The following CRIM1 variants were observed in gnomAD, a reference collection of about 807,000 sequenced individuals.
CRIM1 encodes cysteine rich transmembrane BMP regulator 1.
A neutral mutation model predicts 116.4 loss-of-function variants in CRIM1; 32 were observed. The ratio of observed to expected loss-of-function variants is 0.27; its 90% CI spans 0.21 to 0.37. The LOEUF (loss-of-function observed/expected upper bound fraction) is 0.37, where lower values mean the gene tolerates loss of function less well. CRIM1 is among the 10% of genes least tolerant of loss of function. The probability of loss-of-function intolerance (pLI) is 1.00; values close to 1 mark genes in which losing one functional copy is unlikely to be tolerated. For missense variants in CRIM1, 1,331 were observed against 1,354.8 expected, an observed-to-expected ratio of 0.98 and a Z score of 0.28; for synonymous variants, 590 against 509.2, an observed-to-expected ratio of 1.16 and a Z score of -2.13.
chr2:36,536,262 CA>C (rs1666548058), intron 13 of CRIM1, among the ~76,000 whole-genome samples: 1 of 152,206 alleles, frequency 6.6e-6, no homozygotes, highest in Non-Finnish European at 1.5e-5. Context: ...TGTGTCTATT[CA>C]ATGAATTCTG....
chr2:36,434,405 G>A (rs1269962016), intron 2 of CRIM1, among the ~76,000 whole-genome samples: 1 of 152,228 alleles, frequency 6.6e-6, no homozygotes, highest in African/African-American at 2.4e-5. Flanking sequence ...ACGCCGAGTA[G>A]GAAAGTTGAA....
intron 14 of CRIM1, among the ~76,000 whole-genome samples, chr2:36,539,285 C>T (rs367835474): frequency 6.6e-6 from 1 of 152,158 alleles, no homozygotes; most frequent in Non-Finnish European, 1.5e-5. Flanking sequence ...GTATAGCCAG[C>T]GCCAAGGCCC....
chr2:36,531,937 G>A (rs1273880617), intron 13 of CRIM1: 2 of 470,914 alleles, frequency 4.2e-6, no homozygotes, highest in African/African-American at 2.0e-5. Flanking sequence ...AGGACCAGCT[G>A]CATCCAGCAA....
At chr2:36,417,533 T>G (rs1673712230) in intron 2 of CRIM1, among the ~76,000 whole-genome samples, 1 of 152,230 alleles carries the variant, frequency 6.6e-6, no homozygotes, top group South Asian at 2.1e-4. Flanking sequence ...ATCTATTTCA[T>G]TTCAGGGGTC....
intron 4 of CRIM1, among the ~76,000 whole-genome samples, chr2:36,448,125 C>G (rs187401455): frequency 2.2e-4 from 33 of 152,330 alleles, no homozygotes; most frequent in African/African-American, 7.5e-4. Flanking sequence ...TAGGTTTTCT[C>G]CCATCATACA....
chr2:36,363,528 C>T (rs1291959967), intron 1 of CRIM1, among the ~76,000 whole-genome samples: 4 of 94,776 alleles, frequency 4.2e-5, no homozygotes, highest in Non-Finnish European at 7.2e-5. Context: ...CAGTCGTCGC[C>T]GCCCCCCCCC....
intron 11 of CRIM1, 36 bp from the exon 12 acceptor site, chr2:36,517,291 A>G: frequency 1.3e-6 from 2 of 1,556,714 alleles, no homozygotes; most frequent in Non-Finnish European, 8.9e-7. Flanking sequence ...AAGATTGCAG[A>G]TGAATAATGT....
chr2:36,357,045 G>T (rs1388230499), intron 1 of CRIM1, among the ~76,000 whole-genome samples: 3 of 152,216 alleles, frequency 2.0e-5, no homozygotes, highest in African/African-American at 7.2e-5. Context: ...GTGTGGCACC[G>T]TGAGCCGCAC....
intron 1 of CRIM1, among the ~76,000 whole-genome samples, chr2:36,371,586 G>A (rs967705381): frequency 7.9e-5 from 12 of 152,128 alleles, no homozygotes; most frequent in African/African-American, 1.2e-4. Context: ...AGCTCAAACT[G>A]GTTAACTTTG....
rs779427992 is a variant in CRIM1 at position 36,537,537 on chromosome 2, A to G, written c.2614A>G (p.Met872Val). 4.3e-6 allele frequency: 7 copies of G among 1,610,176 alleles called. No homozygotes were observed. Among genetic ancestry groups the G allele is most frequent in the African/African-American group, 2.7e-5 (2 of 74,792 alleles). The part of the protein sequence containing the change: ...PINVEGSCCP[M>V]CPEMYVPEPT... The stretch of plus-strand genomic sequence containing the variant: ...CAACGTGGAAGGAAGTTGCTGCCCA[A>G]TGTGTCCAGGTATCTAAGCCACCAT... Residue 872 changes from methionine to valine, a missense_variant, in exon 14 of 17, where the codon ATG becomes GTG. Physicochemically the swap from Met to Val is conservative, Grantham distance 21. This residue lies in a region of CRIM1 where 283 missense variants were observed against 242.8 expected (regional missense o/e 1.17). Coordinates refer to ENST00000280527, the MANE Select transcript of CRIM1 (RefSeq NM_016441.3).
In CRIM1 at chr2:36,459,979, C is replaced by T. The variant is rs3770870; in HGVS notation, c.870-4555C>T. Among the ~76,000 whole-genome samples the T allele has an allele frequency of 1.3e-3, 205 of 152,250 alleles. 1 individual carries two copies. The East Asian group carries it at 0.029, about 22-fold the overall frequency. On this transcript the variant is annotated intron_variant, in intron 4 of 16. Coordinates refer to ENST00000280527, the MANE Select transcript of CRIM1 (RefSeq NM_016441.3). ...AAGGGAAAGCTTAAATGTGTACTCA[C>T]CGCCCTTCAGTCAGCAGAACCTCCT...
intron 16 of CRIM1, among the ~76,000 whole-genome samples, chr2:36,547,501 G>A (rs1037662525): frequency 3.9e-5 from 6 of 152,122 alleles, no homozygotes; most frequent in African/African-American, 7.2e-5. Context: ...ATTAAAACGT[G>A]ATCACCTGGC....
intron 2 of CRIM1, among the ~76,000 whole-genome samples, chr2:36,424,487 T>C (rs889592566): frequency 6.6e-6 from 1 of 152,106 alleles, no homozygotes; most frequent in African/African-American, 2.4e-5. Context: ...GATGGACATA[T>C]CTGATGAAAA....
chr2:36,449,038 T>G (rs1340813606), intron 4 of CRIM1, among the ~76,000 whole-genome samples: 8 of 152,164 alleles, frequency 5.3e-5, no homozygotes, highest in Admixed American at 1.3e-4. Context: ...TGACTTGTTT[T>G]TTTTTTTTTC....
chr2:36,376,681 G>A (rs1320572598), intron 1 of CRIM1, among the ~76,000 whole-genome samples: 1 of 152,168 alleles, frequency 6.6e-6, no homozygotes, highest in African/African-American at 2.4e-5. Flanking sequence ...TGCTTCCAAG[G>A]GGTGATGCTC....
chr2:36,467,763 C>T (rs533040553), intron 5 of CRIM1, among the ~76,000 whole-genome samples: 1 of 152,268 alleles, frequency 6.6e-6, no homozygotes, highest in Non-Finnish European at 1.5e-5. Context: ...TTAAATTAGG[C>T]CCCCAGTTTT....
At chr2:36,529,245 A>G in intron 13 of CRIM1, 4 of 470,128 alleles carry the variant, frequency 8.5e-6, no homozygotes, top group Non-Finnish European at 1.3e-5. Context: ...CCCTCTGGAG[A>G]CTGCTGGCAG....
intron 11 of CRIM1, among the ~76,000 whole-genome samples, chr2:36,514,765 T>C (rs1428616850): frequency 6.6e-6 from 1 of 152,160 alleles, no homozygotes; most frequent in Non-Finnish European, 1.5e-5. Context: ...AAGACTAGCC[T>C]GGGAGGGAAA....
rs144612204 is a variant in CRIM1, at chr2:36,379,770, A to G, written c.332-16844A>G. ...TTTTTTTTTTTTTTTTTTTTAAAGA[A>G]AAGCAATTGCTTAGAATGAGATGAA... On this transcript the variant is annotated intron_variant, in intron 1 of 16. Coordinates refer to ENST00000280527, the MANE Select transcript of CRIM1 (RefSeq NM_016441.3). 8.7e-4 allele frequency among the ~76,000 whole-genome samples: 128 copies of G among 147,464 alleles called. 2 individuals are homozygous for G. In the East Asian group the frequency reaches 0.024, roughly 28 times the overall value.
Sources: allele counts gnomAD v4.1 joint callset (sites outside exome capture counted in the v4.1 genomes callset), GRCh38; gene constraint gnomAD v4.1.1; regional missense constraint gnomAD v4.1.1; transcripts MANE v1.5; gene names NCBI Gene and HGNC (gene_info 2026-07-23, HGNC 2026-07-21).